AMBRA1: variants seen among roughly 807,000 people sequenced by gnomAD.
The protein encoded by AMBRA1 is autophagy and beclin 1 regulator 1.
Under a neutral mutation model 125.4 loss-of-function variants are expected in AMBRA1, and 47 were observed. The ratio of observed to expected loss-of-function variants is 0.37; its 90% confidence interval spans 0.30 to 0.48. AMBRA1 has a LOEUF of 0.48. Ranked by LOEUF, AMBRA1 falls within the 20% of genes least tolerant of loss-of-function variation. The pLI is 0.99. For synonymous variants in AMBRA1, 626 were observed against 655.5 expected, an observed-to-expected ratio of 0.95 and a Z score of 0.69; for missense variants, 1,331 against 1,693.4, an observed-to-expected ratio of 0.79 and a Z score of 3.76.
At chr11:46,578,346 G>A (rs1204847091) in intron 1 of AMBRA1, among the ~76,000 whole-genome samples, 3 of 151,470 alleles carry the variant, frequency 2.0e-5, no homozygotes, top group Non-Finnish European at 1.5e-5. Context: ...AATTAGCCAG[G>A]CGTGGTCATG....
intron 11 of AMBRA1, among the ~76,000 whole-genome samples, chr11:46,468,209 C>T (rs527650616): frequency 5.3e-5 from 8 of 152,020 alleles, no homozygotes; most frequent in Non-Finnish European, 1.0e-4. Flanking sequence ...GCAAGCAGTG[C>T]GTGGTGGGAC....
intron 1 of AMBRA1, among the ~76,000 whole-genome samples, chr11:46,558,277 G>A (rs1224133190): frequency 1.3e-5 from 2 of 151,922 alleles, no homozygotes; most frequent in Non-Finnish European, 2.9e-5. Context: ...ATCACCGGGC[G>A]CAGTCGCTCA....
At chr11:46,454,378 AAAC>A (rs937901949) in intron 11 of AMBRA1, among the ~76,000 whole-genome samples, 13 of 151,888 alleles carry the variant, frequency 8.6e-5, no homozygotes, top group East Asian at 1.9e-4. Context: ...AATTTTCTCA[AAAC>A]AACAATTCAA....
intron 11 of AMBRA1, among the ~76,000 whole-genome samples, chr11:46,458,667 G>A (rs1948955726): frequency 6.6e-6 from 1 of 152,122 alleles, no homozygotes; most frequent in Non-Finnish European, 1.5e-5. Flanking sequence ...CATGATCATT[G>A]CTCACTACAG....
chr11:46,586,672 T>G (rs747756125), intron 1 of AMBRA1, among the ~76,000 whole-genome samples: 1 of 152,226 alleles, frequency 6.6e-6, no homozygotes, highest in Non-Finnish European at 1.5e-5. Flanking sequence ...CAGCACCTAG[T>G]GCTGTTCTAA....
chr11:46,530,765 T>C (rs1952177283), intron 7 of AMBRA1, among the ~76,000 whole-genome samples: 2 of 152,258 alleles, frequency 1.3e-5, no homozygotes, highest in South Asian at 2.1e-4. Flanking sequence ...TGAATGGTTT[T>C]CATATTTTTA....
rs200967246 is a variant in AMBRA1, at chr11:46,417,831, AAAAGACCCC to A, written c.3116+73_3116+81del. On this transcript the variant is annotated intron_variant, in intron 15 of 17. Transcript: ENST00000683756. Reference sequence around the variant, plus strand: ...CTAGATGGATTGACATTTCCCTTCTAAAAGACCCCAGTTGGTGAATACTGATTACCCCAG... The same window carrying A: ...CTAGATGGATTGACATTTCCCTTCTAAGTTGGTGAATACTGATTACCCCAG... 3.9e-4 allele frequency: 564 copies of A among 1,439,684 alleles called. 4 individuals carry two copies. In the African/African-American group the frequency reaches 6.7e-3, roughly 17 times the overall value. The allele number at this position is 1,439,684 out of a possible 1,614,324, so 89.2% of individuals were successfully genotyped here. A position where few individuals can be genotyped will look rare whatever the true frequency, so the allele number is the denominator to read the frequency against.
rs1350631409 is a variant in AMBRA1, at chr11:46,397,977, G to C, written c.3404-34C>G. 3 of 1,552,578 alleles carry C rather than the reference G, an allele frequency of 1.9e-6. No homozygotes were observed. In the East Asian group the frequency reaches 6.8e-5, roughly 35 times the overall value. ...TACAAAGCAGAAGAGAGAGCGAATT[G>C]GCTGCTGGCCTGGGCCTCTGAGGCA... On this transcript the variant is annotated intron_variant, in intron 17 of 17. Transcript: ENST00000683756.
intron 12 of AMBRA1, among the ~76,000 whole-genome samples, chr11:46,440,016 G>A (rs1055906167): frequency 6.6e-6 from 1 of 151,916 alleles, no homozygotes; most frequent in Non-Finnish European, 1.5e-5. Context: ...AACTCCAAGT[G>A]GAATAATAAT....
intron 1 of AMBRA1, among the ~76,000 whole-genome samples, chr11:46,557,300 CAAAAA>C (rs540969219): frequency 2.0e-5 from 1 of 49,148 alleles, no homozygotes. Flanking sequence ...GACTCCATCT[CAAAAA>C]AAAAAAAAAA....
At chr11:46,558,288 C>T (rs571760700) in intron 1 of AMBRA1, among the ~76,000 whole-genome samples, 2 of 152,058 alleles carry the variant, frequency 1.3e-5, no homozygotes, top group East Asian at 1.9e-4. Context: ...CAGTCGCTCA[C>T]ACCTGTAATC....
chr11:46,565,092 C>CA (rs934078429), intron 1 of AMBRA1, among the ~76,000 whole-genome samples: 3 of 151,612 alleles, frequency 2.0e-5, no homozygotes, highest in African/African-American at 7.3e-5. Flanking sequence ...CTCATCTCTA[C>CA]AAAAAAATAT....
chr11:46,454,677 G>T (rs1012850707), intron 11 of AMBRA1, among the ~76,000 whole-genome samples: 2 of 151,758 alleles, frequency 1.3e-5, no homozygotes, highest in Non-Finnish European at 2.9e-5. Flanking sequence ...TGTGAGCCCG[G>T]AAGGCGGAGC....
chr11:46,474,735 G>A (rs1949745046), intron 11 of AMBRA1, among the ~76,000 whole-genome samples: 1 of 152,128 alleles, frequency 6.6e-6, no homozygotes, highest in Non-Finnish European at 1.5e-5. Context: ...GTTGGACAGA[G>A]GGGGAAATCC....
intron 17 of AMBRA1, among the ~76,000 whole-genome samples, chr11:46,399,742 G>A (rs1328284925): frequency 6.6e-6 from 1 of 152,160 alleles, no homozygotes; most frequent in Non-Finnish European, 1.5e-5. Flanking sequence ...GTCTTCACAA[G>A]CTATTCCCCA....
intron 1 of AMBRA1, among the ~76,000 whole-genome samples, chr11:46,576,317 G>A (rs1055201731): frequency 3.3e-5 from 5 of 152,208 alleles, no homozygotes; most frequent in South Asian, 4.1e-4. Context: ...TTTTGTAGAC[G>A]GGGTCTCCGT....
chr11:46,528,544 A>G (rs1952078602), intron 7 of AMBRA1, among the ~76,000 whole-genome samples: 1 of 152,202 alleles, frequency 6.6e-6, no homozygotes, highest in African/African-American at 2.4e-5. Context: ...AAAGACAAAT[A>G]CTGCAAGATT....
intron 1 of AMBRA1, among the ~76,000 whole-genome samples, chr11:46,583,670 AAAAAAAAAAC>A (rs1401865179): frequency 6.9e-5 from 10 of 144,070 alleles, no homozygotes; most frequent in African/African-American, 2.6e-4. Context: ...AAAAAAAAAA[AAAAAAAAAAC>A]AACAAAACAA....
At chr11:46,521,701 T>C (rs1364470995) in intron 7 of AMBRA1, among the ~76,000 whole-genome samples, 2 of 152,264 alleles carry the variant, frequency 1.3e-5, no homozygotes, top group East Asian at 1.9e-4. Context: ...TATCCAACGA[T>C]AGGCATTCAT....
Sources: allele counts gnomAD v4.1 joint callset (sites outside exome capture counted in the v4.1 genomes callset), GRCh38; gene constraint gnomAD v4.1.1; transcripts MANE v1.5; gene names NCBI Gene and HGNC (gene_info 2026-07-23, HGNC 2026-07-21).